The following COL21A1 variants were observed in gnomAD, a reference collection of about 807,000 sequenced individuals.
COL21A1 encodes collagen alpha-1(XXI) chain.
COL21A1 carries 149 observed loss-of-function variants against 137.9 expected under a neutral mutation model. The observed-to-expected ratio is 1.08, with a 90% CI of 0.95 to 1.24. The LOEUF (loss-of-function observed/expected upper bound fraction) is 1.24, where lower values mean the gene tolerates loss of function less well. Ranked by LOEUF, COL21A1 falls within the 50% of genes most tolerant of loss-of-function variation. COL21A1 has a pLI of 0.00. For missense variants in COL21A1, 1,167 were observed against 1,158.4 expected, an observed-to-expected ratio of 1.01 and a Z score of -0.11; for synonymous variants, 456 against 391.5, an observed-to-expected ratio of 1.16 and a Z score of -1.95.
chr6:56,168,334 C>T (rs1266863496), intron 5 of COL21A1, 37 bp from the exon 6 acceptor site: 1 of 1,447,952 alleles, frequency 6.9e-7, no homozygotes, highest in Non-Finnish European at 9.2e-7. Context: ...ATAAATAAAG[C>T]CCCTAACAAT....
At chr6:56,112,164 G>A (rs1163813805) in intron 16 of COL21A1, among the ~76,000 whole-genome samples, 1 of 152,082 alleles carries the variant, frequency 6.6e-6, no homozygotes, top group Non-Finnish European at 1.5e-5. Context: ...TTTGGCAAAA[G>A]TTCTAATGTA....
chr6:56,392,659 T>C (rs1346856483), intron 1 of COL21A1, among the ~76,000 whole-genome samples: 1 of 152,074 alleles, frequency 6.6e-6, no homozygotes, highest in African/African-American at 2.4e-5. Context: ...ATTTGCAGGA[T>C]ACAAAATAAA....
chr6:56,388,340 A>C (rs2094022608), intron 1 of COL21A1, among the ~76,000 whole-genome samples: 1 of 152,230 alleles, frequency 6.6e-6, no homozygotes. Flanking sequence ...GCACAGTGCC[A>C]GCTGTGGTGG....
intron 24 of COL21A1, among the ~76,000 whole-genome samples, chr6:56,063,887 C>T (rs1245508390): frequency 1.3e-5 from 2 of 152,112 alleles, no homozygotes; most frequent in Non-Finnish European, 1.5e-5. Context: ...CAGACATGAT[C>T]AAGTTGGAAC....
intron 17 of COL21A1, among the ~76,000 whole-genome samples, chr6:56,083,441 T>G (rs1767965874): frequency 6.6e-6 from 1 of 152,016 alleles, no homozygotes; most frequent in African/African-American, 2.4e-5. Flanking sequence ...TTTCAATTAC[T>G]CATGATCAGA....
chr6:56,376,066 A>G (rs1451125527), intron 1 of COL21A1, among the ~76,000 whole-genome samples: 1 of 152,206 alleles, frequency 6.6e-6, no homozygotes, highest in East Asian at 1.9e-4. Flanking sequence ...TTTAATGGGT[A>G]AAAGGAAGAC....
At chr6:56,359,229 C>T (rs1765909226) in intron 1 of COL21A1, among the ~76,000 whole-genome samples, 2 of 152,118 alleles carry the variant, frequency 1.3e-5, no homozygotes, top group South Asian at 4.1e-4. Context: ...TATCCAGTAA[C>T]CTTAACAAGA....
intron 16 of COL21A1, among the ~76,000 whole-genome samples, chr6:56,109,157 A>C (rs981145830): frequency 3.3e-5 from 5 of 151,806 alleles, no homozygotes; most frequent in Non-Finnish European, 7.4e-5. Context: ...TCAATTGCAA[A>C]AGCTAGAAAA....
intron 24 of COL21A1, among the ~76,000 whole-genome samples, chr6:56,063,462 A>AG (rs5876486): frequency 0.72 from 109,953 of 151,864 alleles, 40,143 homozygotes; most frequent in East Asian, 0.9. Flanking sequence ...GTTGGGGAAT[A>AG]GGATGGAGTT....
intron 1 of COL21A1, among the ~76,000 whole-genome samples, chr6:56,384,757 C>T (rs2094014702): frequency 6.6e-6 from 1 of 152,124 alleles, no homozygotes; most frequent in Admixed American, 6.5e-5. Flanking sequence ...CCCACTTCTG[C>T]TAATAACACT....
intron 1 of COL21A1, among the ~76,000 whole-genome samples, chr6:56,306,782 AGAG>A (rs1764471489): frequency 6.6e-6 from 1 of 151,764 alleles, no homozygotes; most frequent in Non-Finnish European, 1.5e-5. Flanking sequence ...GCATTCCTTT[AGAG>A]GAGGAGAGGT....
intron 1 of COL21A1, chr6:56,276,708 T>A: frequency 7.0e-7 from 1 of 1,429,848 alleles, no homozygotes; most frequent in Non-Finnish European, 9.8e-7. Context: ...ATGGCCTGGG[T>A]GATTCACGGC....
intron 1 of COL21A1, among the ~76,000 whole-genome samples, chr6:56,350,021 T>C (rs1765675256): frequency 6.6e-6 from 1 of 152,180 alleles, no homozygotes; most frequent in African/African-American, 2.4e-5. Context: ...AGCAGTGCAC[T>C]TCCCTTACTA....
chr6:56,354,889 G>T (rs9349819), intron 1 of COL21A1, among the ~76,000 whole-genome samples: 105,449 of 152,034 alleles, frequency 0.69, 36,972 homozygotes, highest in East Asian at 0.92. Flanking sequence ...TACAATGGAA[G>T]AAAACATATC....
chr6:56,097,349 A>G (rs1293813381), intron 17 of COL21A1, among the ~76,000 whole-genome samples: 1 of 152,058 alleles, frequency 6.6e-6, no homozygotes, highest in Non-Finnish European at 1.5e-5. Flanking sequence ...CATTCACATT[A>G]TTCTTTGCCT....
At chr6:56,297,197 T>G (rs1764182546) in intron 1 of COL21A1, among the ~76,000 whole-genome samples, 2 of 152,024 alleles carry the variant, frequency 1.3e-5, no homozygotes, top group African/African-American at 2.4e-5. Context: ...TCAACACAGA[T>G]TAAGTTGCCA....
Position 56,274,238 on chromosome 6 carries a change from T to C in COL21A1, c.-38-91582A>G, listed in dbSNP as rs1287015067. Reference sequence around the variant, plus strand: ...ATGTCAAAATAATAGGAGCCATCTATGACAAACCCACAGGCAACATCATAC... The same window carrying C: ...ATGTCAAAATAATAGGAGCCATCTACGACAAACCCACAGGCAACATCATAC... On this transcript the variant is annotated intron_variant, in intron 1 of 28. Transcript: ENST00000370819. Among the ~76,000 whole-genome samples the C allele has an allele frequency of 2.0e-5, 3 of 152,302 alleles. No individual in the cohort carries two copies. In the East Asian group the frequency reaches 5.8e-4, roughly 29 times the overall value.
chr6:56,377,963 A>G (rs891970200), intron 1 of COL21A1, among the ~76,000 whole-genome samples: 1 of 151,922 alleles, frequency 6.6e-6, no homozygotes, highest in Non-Finnish European at 1.5e-5. Flanking sequence ...CTAGATACAC[A>G]CTGGGCCAGA....
At chr6:56,245,213 C>T (rs572124277) in intron 1 of COL21A1, among the ~76,000 whole-genome samples, 16 of 152,184 alleles carry the variant, frequency 1.1e-4, no homozygotes, top group African/African-American at 3.4e-4. Flanking sequence ...TTTGGATTTT[C>T]TTTTACAAAG....
Sources: allele counts gnomAD v4.1 joint callset (sites outside exome capture counted in the v4.1 genomes callset), GRCh38; gene constraint gnomAD v4.1.1; transcripts MANE v1.5; gene names NCBI Gene and HGNC (gene_info 2026-07-23, HGNC 2026-07-21).